ADGRL3: variants seen among roughly 807,000 people sequenced by gnomAD.
The protein encoded by ADGRL3 is calcium-independent alpha-latrotoxin receptor 3.
In ADGRL3, 62 loss-of-function variants were observed where a neutral mutation model predicts 153.5. The ratio of observed to expected loss-of-function variants is 0.40; its 90% CI spans 0.33 to 0.50. ADGRL3 has a LOEUF of 0.50. Ranked by LOEUF, ADGRL3 falls within the 20% of genes least tolerant of loss-of-function variation. ADGRL3 has a pLI of 0.47. For synonymous variants in ADGRL3, 710 were observed against 672.5 expected, an observed-to-expected ratio of 1.06 and a Z score of -0.86; for missense variants, 1,641 against 1,859.4, an observed-to-expected ratio of 0.88 and a Z score of 2.16.
chr4:61,420,975 G>GTCTAGGT (rs2097199267), intron 2 of ADGRL3, among the ~76,000 whole-genome samples: 1 of 152,038 alleles, frequency 6.6e-6, no homozygotes, highest in African/African-American at 2.4e-5. Flanking sequence ...TTTAATAACT[G>GTCTAGGT]TCTAACCTGG....
At chr4:62,046,436 G>T (rs1407142767) in intron 25 of ADGRL3, among the ~76,000 whole-genome samples, 1 of 151,794 alleles carries the variant, frequency 6.6e-6, no homozygotes, top group Non-Finnish European at 1.5e-5. Context: ...TGCTTCTCAA[G>T]AATTTAATCA....
intron 2 of ADGRL3, among the ~76,000 whole-genome samples, chr4:61,414,303 AG>A (rs1340569925): frequency 6.6e-6 from 1 of 152,198 alleles, no homozygotes; most frequent in Non-Finnish European, 1.5e-5. Flanking sequence ...CTTTTCAGTA[AG>A]CAATGCTTCT....
At chr4:61,815,695 GAC>G (rs2097680320) in intron 9 of ADGRL3, among the ~76,000 whole-genome samples, 1 of 152,228 alleles carries the variant, frequency 6.6e-6, no homozygotes, top group African/African-American at 2.4e-5. Flanking sequence ...TTAAGAGGTG[GAC>G]ATTTAGGAGA....
At chr4:61,499,952 G>T (rs950674973) in intron 3 of ADGRL3, among the ~76,000 whole-genome samples, 3 of 150,578 alleles carry the variant, frequency 2.0e-5, no homozygotes, top group African/African-American at 7.4e-5. Flanking sequence ...CTTGGTTTGG[G>T]AACTGATAGT....
chr4:61,924,914 A>G (rs2098787976), intron 13 of ADGRL3, among the ~76,000 whole-genome samples: 1 of 151,920 alleles, frequency 6.6e-6, no homozygotes, highest in Admixed American at 6.6e-5. Context: ...ATGGTTTATT[A>G]TTTGCTTCCC....
At chr4:61,648,134 A>G (rs1261282295) in intron 5 of ADGRL3, among the ~76,000 whole-genome samples, 3 of 152,126 alleles carry the variant, frequency 2.0e-5, no homozygotes, top group African/African-American at 7.2e-5. Flanking sequence ...CATATGTGCT[A>G]ATCAGCTGTA....
intron 9 of ADGRL3, among the ~76,000 whole-genome samples, chr4:61,825,083 T>C (rs1467305746): frequency 6.6e-6 from 1 of 152,176 alleles, no homozygotes; most frequent in Non-Finnish European, 1.5e-5. Context: ...TAGTGATAGC[T>C]CTGGGTCCAG....
intron 19 of ADGRL3, among the ~76,000 whole-genome samples, chr4:61,993,870 T>A (rs1335129266): frequency 2.0e-5 from 3 of 152,132 alleles, no homozygotes; most frequent in Non-Finnish European, 4.4e-5. Context: ...GCACTACACT[T>A]CTGTTTCATA....
intron 1 of ADGRL3, among the ~76,000 whole-genome samples, chr4:61,289,054 A>G (rs571651922): frequency 6.6e-6 from 1 of 151,962 alleles, no homozygotes. Context: ...TACGTACATA[A>G]GTTAACGCAA....
intron 25 of ADGRL3, among the ~76,000 whole-genome samples, chr4:62,051,650 G>T (rs139635884): frequency 5.3e-5 from 8 of 151,682 alleles, no homozygotes; most frequent in African/African-American, 1.4e-4. Flanking sequence ...TATTATTATT[G>T]TTAACCTAAA....
chr4:61,786,490 T>C (rs2097276904), intron 8 of ADGRL3, among the ~76,000 whole-genome samples: 1 of 152,066 alleles, frequency 6.6e-6, no homozygotes, highest in African/African-American at 2.4e-5. Context: ...GATAAAATAA[T>C]ACTCAAAGAG....
At chr4:61,856,445 TCCTTTTTTCTTTTC>T (rs1329741897) in intron 9 of ADGRL3, among the ~76,000 whole-genome samples, 11 of 148,892 alleles carry the variant, frequency 7.4e-5, no homozygotes, top group African/African-American at 2.3e-4. Context: ...CTTCCTTCCT[TCCTTTTTTCTTTTC>T]TTTTCTTTTC....
At chr4:61,990,333 C>T (rs1163142189) in intron 19 of ADGRL3, among the ~76,000 whole-genome samples, 2 of 151,644 alleles carry the variant, frequency 1.3e-5, no homozygotes, top group Non-Finnish European at 2.9e-5. Flanking sequence ...CCAGAATAGG[C>T]GAATCTTTAA....
intron 1 of ADGRL3, among the ~76,000 whole-genome samples, chr4:61,318,143 A>G (rs2095266629): frequency 2.0e-5 from 3 of 149,326 alleles, no homozygotes; most frequent in African/African-American, 4.9e-5. Flanking sequence ...GCAGTGAGCC[A>G]AGATTGCACC....
intron 9 of ADGRL3, among the ~76,000 whole-genome samples, chr4:61,867,655 G>A (rs1257042890): frequency 1.3e-5 from 2 of 150,894 alleles, no homozygotes; most frequent in Non-Finnish European, 3.0e-5. Context: ...TGTTTTATGT[G>A]ACACAAGAGC....
At chr4:62,003,514 C>A (rs2099147599) in intron 21 of ADGRL3, among the ~76,000 whole-genome samples, 1 of 152,084 alleles carries the variant, frequency 6.6e-6, no homozygotes, top group Non-Finnish European at 1.5e-5. Flanking sequence ...ACTTTCTTCT[C>A]TGAATGGGGA....
chr4:61,217,626 C>T lies in ADGRL3; in HGVS notation c.-240+15861C>T, dbSNP rs140619242. Among the ~76,000 whole-genome samples the T allele has an allele frequency of 9.4e-3, 1,434 of 152,190 alleles. 24 individuals are homozygous for T. Among genetic ancestry groups the T allele is most frequent in the African/African-American group, 0.033 (1,350 of 41,502 alleles). ...AAATAAACTCTCTGTTGACCATAAA[C>T]GGTGGTCAGGCACTGAAGATTTGAG... On this transcript the variant is annotated intron_variant, in intron 1 of 26. Coordinates refer to ENST00000683033, the MANE Select transcript of ADGRL3 (RefSeq NM_001387552.1).
intron 21 of ADGRL3, among the ~76,000 whole-genome samples, chr4:62,026,978 G>T (rs1487578008): frequency 3.3e-5 from 5 of 151,964 alleles, no homozygotes; most frequent in African/African-American, 1.2e-4. Context: ...AATTCATTTT[G>T]TAGAGCATTT....
intron 17 of ADGRL3, among the ~76,000 whole-genome samples, chr4:61,949,186 C>A (rs935140400): frequency 6.6e-6 from 1 of 152,094 alleles, no homozygotes; most frequent in Non-Finnish European, 1.5e-5. Context: ...ATGCAAATAT[C>A]TTGCTTTCCT....
Sources: gnomAD v4.1 joint callset for allele counts (sites outside exome capture counted in the v4.1 genomes callset) on GRCh38, gnomAD v4.1.1 for gene constraint, MANE v1.5 for transcripts, NCBI Gene and HGNC (gene_info 2026-07-23, HGNC 2026-07-21) for gene names.